The following MSH3 variants were observed in gnomAD, a reference collection of about 807,000 sequenced individuals.
The protein encoded by MSH3 is mutS homolog 3.
Under a neutral mutation model 123.3 loss-of-function variants are expected in MSH3, and 106 were observed. That is an observed-to-expected ratio of 0.86 (90% CI 0.73 to 1.01). The LOEUF (loss-of-function observed/expected upper bound fraction) is 1.01, where lower values mean the gene tolerates loss of function less well. MSH3 is among the 50% of genes least tolerant of loss of function. The probability of loss-of-function intolerance (pLI) is 0.00; values close to 1 mark genes in which losing one functional copy is unlikely to be tolerated. For missense variants in MSH3, 1,459 were observed against 1,347.6 expected, an observed-to-expected ratio of 1.08 and a Z score of -1.29; for synonymous variants, 515 against 481.4, an observed-to-expected ratio of 1.07 and a Z score of -0.91.
chr5:80,765,260 T>C (rs1739437893), intron 13 of MSH3, among the ~76,000 whole-genome samples: 1 of 152,228 alleles, frequency 6.6e-6, no homozygotes, highest in African/African-American at 2.4e-5. Context: ...CATAAGAGGT[T>C]AATATTCAAA....
chr5:80,676,681 G>A (rs549987433), intron 7 of MSH3, among the ~76,000 whole-genome samples: 1 of 152,238 alleles, frequency 6.6e-6, no homozygotes, highest in Non-Finnish European at 1.5e-5. Context: ...GTTGGTGTTA[G>A]ACAGCTCTAA....
intron 16 of MSH3, among the ~76,000 whole-genome samples, chr5:80,776,620 T>C (rs1744303060): frequency 6.6e-6 from 1 of 152,094 alleles, no homozygotes; most frequent in East Asian, 1.9e-4. Flanking sequence ...CTTGGTTAGA[T>C]ACTAATCTCC....
At chr5:80,812,796 C>A (rs6890040) in intron 19 of MSH3, among the ~76,000 whole-genome samples, 1,997 of 152,050 alleles carry the variant, frequency 0.013, 41 homozygotes, top group African/African-American at 0.046. Flanking sequence ...TGGCCTCAAG[C>A]GATCCACCTC....
chr5:80,850,816 T>A (rs1384217961), intron 20 of MSH3, among the ~76,000 whole-genome samples: 1 of 152,236 alleles, frequency 6.6e-6, no homozygotes, highest in Admixed American at 6.5e-5. Context: ...CTCAGTCTTC[T>A]CTTTCATACT....
At chr5:80,810,091 A>G (rs979861755) in intron 19 of MSH3, among the ~76,000 whole-genome samples, 2 of 150,170 alleles carry the variant, frequency 1.3e-5, no homozygotes, top group African/African-American at 4.9e-5. Flanking sequence ...CTCCATCTTC[A>G]TCTCCTAACC....
At chr5:80,838,339 T>A (rs1580081229) in intron 20 of MSH3, among the ~76,000 whole-genome samples, 1 of 152,130 alleles carries the variant, frequency 6.6e-6, no homozygotes, top group African/African-American at 2.4e-5. Context: ...CAGGTTTGAA[T>A]CCTGACTCCA....
rs767728601 is a variant in MSH3, at chr5:80,873,132, C to T, written c.3147C>T (p.Val1049=). 1 of 1,613,458 alleles carries T rather than the reference C, an allele frequency of 6.2e-7. No homozygotes were observed. The highest frequency in any genetic ancestry group is 1.7e-5 in the Admixed American group (1 of 60,008). Residue 1049 remains valine, a synonymous_variant, in exon 23 of 24, where the codon GTC becomes GTT. Coordinates refer to ENST00000265081, the MANE Select transcript of MSH3 (RefSeq NM_002439.5). The part of the protein sequence containing the change: ...SKLDPGAAEQ[V]PDFVTFLYQI... ...ATTTCACAGGCGCAGCAGAACAAGT[C>T]CCTGATTTTGTCACCTTCCTTTACC...
intron 8 of MSH3, among the ~76,000 whole-genome samples, chr5:80,712,147 A>G (rs2112845784): frequency 6.6e-6 from 1 of 152,238 alleles, no homozygotes; most frequent in South Asian, 2.1e-4. Flanking sequence ...AGGTGGCAGG[A>G]TGCTCCAGTG....
intron 19 of MSH3, 62 bp from the exon 20 acceptor site, chr5:80,813,522 A>G: frequency 6.5e-7 from 1 of 1,527,908 alleles, no homozygotes; most frequent in Non-Finnish European, 9.1e-7. Flanking sequence ...TTATGAGATA[A>G]ATTGTGGATA....
chr5:80,740,290 G>C (rs998995072), intron 10 of MSH3, among the ~76,000 whole-genome samples: 7 of 151,902 alleles, frequency 4.6e-5, no homozygotes, highest in Non-Finnish European at 1.0e-4. Flanking sequence ...CTTTAACTCA[G>C]TTTAAGGAAA....
intron 12 of MSH3, among the ~76,000 whole-genome samples, chr5:80,758,324 A>T (rs1743967417): frequency 6.6e-6 from 1 of 152,188 alleles, no homozygotes; most frequent in Non-Finnish European, 1.5e-5. Context: ...ATTTGTAACG[A>T]TGTGGTAACA....
At position 80,787,594 on chromosome 5, in the gene MSH3, G is replaced by A. The variant is rs764482775; in HGVS notation, c.2465G>A (p.Cys822Tyr). The A allele has an allele frequency of 5.0e-6, 8 of 1,613,736 alleles. No homozygotes were observed. The East Asian group carries it at 1.8e-4, about 36-fold the overall frequency. ...EKFSEHYHSL[C>Y]KAVHHLATVD... ...TTCAGTGAACATTATCACTCCTTGT[G>A]TAAAGCAGTGCATCACCTAGCAACT... is the stretch of plus-strand genomic sequence containing the variant. Residue 822 changes from cysteine (C) to tyrosine (Y), a missense_variant, in exon 18 of 24, where the codon TGT becomes TAT. Cys to Tyr is a radical substitution (Grantham distance 194, BLOSUM62 -2). Coordinates refer to ENST00000265081, the MANE Select transcript of MSH3 (RefSeq NM_002439.5).
At chr5:80,839,496 A>G (rs1049915854) in intron 20 of MSH3, among the ~76,000 whole-genome samples, 1 of 152,234 alleles carries the variant, frequency 6.6e-6, no homozygotes, top group Non-Finnish European at 1.5e-5. Flanking sequence ...AAGCAGCATG[A>G]AATTTTATAG....
intron 19 of MSH3, among the ~76,000 whole-genome samples, chr5:80,806,540 AT>A (rs1293009698): frequency 6.6e-6 from 1 of 152,162 alleles, no homozygotes; most frequent in Admixed American, 6.5e-5. Context: ...AAGTTTCCAC[AT>A]TTTTATGGGG....
chr5:80,857,068 T>C (rs1051043647), intron 21 of MSH3, among the ~76,000 whole-genome samples: 5 of 152,236 alleles, frequency 3.3e-5, no homozygotes, highest in African/African-American at 1.2e-4. Context: ...ATTGAGGAAG[T>C]TCTCCTCTAT....
intron 20 of MSH3, among the ~76,000 whole-genome samples, chr5:80,828,001 A>G (rs1745350515): frequency 1.3e-5 from 2 of 152,008 alleles, no homozygotes; most frequent in South Asian, 4.1e-4. Flanking sequence ...AGCCTCCCCC[A>G]TTTTCAGCAT....
chr5:80,691,042 A>G (rs1038985935), intron 8 of MSH3, among the ~76,000 whole-genome samples: 4 of 151,936 alleles, frequency 2.6e-5, no homozygotes, highest in African/African-American at 4.8e-5. Context: ...TTATTCATAG[A>G]TTATTTTATA....
chr5:80,862,307 C>G (rs1014339879), intron 21 of MSH3, among the ~76,000 whole-genome samples: 1 of 152,170 alleles, frequency 6.6e-6, no homozygotes, highest in East Asian at 1.9e-4. Flanking sequence ...GGCACACATT[C>G]AGACTTTTAA....
At position 80,674,995 on chromosome 5, in the gene MSH3, T is replaced by C; in HGVS notation, c.1040T>C (p.Leu347Pro). Reference sequence around the variant, plus strand: ...TAATTATTATTAAATGTGAATCCCCTAATCAAGCTGGATGATGCTGTAAAT... The same window carrying C: ...TAATTATTATTAAATGTGAATCCCCCAATCAAGCTGGATGATGCTGTAAAT... ...STLIGEDVNP[L>P]IKLDDAVNVD... The change falls in exon 7 of 24, where the codon CTA becomes CCA. Residue 347 changes from leucine (L) to proline (P), a missense_variant. Leu to Pro is a moderately conservative substitution (Grantham distance 98). Transcript: ENST00000265081. The C allele has an allele frequency of 6.2e-7, 1 of 1,606,924 alleles. No homozygotes were observed. Among genetic ancestry groups the C allele is most frequent in the South Asian group, 1.1e-5 (1 of 90,618 alleles).
Sources: allele counts gnomAD v4.1 joint callset (sites outside exome capture counted in the v4.1 genomes callset), GRCh38; gene constraint gnomAD v4.1.1; transcripts MANE v1.5; gene names NCBI Gene and HGNC (gene_info 2026-07-23, HGNC 2026-07-21).